GBP3: variants seen among roughly 807,000 people sequenced by gnomAD.
The protein encoded by GBP3 is guanylate binding protein 3.
Under a neutral mutation model 62.4 loss-of-function variants are expected in GBP3, and 55 were observed. The ratio of observed to expected loss-of-function variants is 0.88; its 90% CI spans 0.71 to 1.10. The LOEUF is 1.10. Ranked by LOEUF, GBP3 falls within the 50% of genes least tolerant of loss-of-function variation. The probability of loss-of-function intolerance (pLI) is 0.00; values close to 1 mark genes in which losing one functional copy is unlikely to be tolerated. For missense variants in GBP3, 605 were observed against 690.6 expected (o/e 0.88, Z 1.39); for synonymous variants, 208 against 259.2 (o/e 0.80, Z 1.90).
intron 5 of GBP3, 36 bp from the exon 6 acceptor site, chr1:89,013,463 A>G: frequency 6.3e-7 from 1 of 1,579,820 alleles, no homozygotes; most frequent in Non-Finnish European, 8.6e-7. Flanking sequence ...GCCTAATATA[A>G]GTGTTTCCGT....
Position 89,009,514 on chromosome 1 carries a change from A to G in GBP3, c.1363-20T>C. 6.2e-7 allele frequency: 1 copy of G among 1,611,318 alleles called. No individual in the cohort carries two copies. Among genetic ancestry groups the G allele is most frequent in the Non-Finnish European group, 8.5e-7 (1 of 1,179,192 alleles). ...TTCAGCCTTAGGACCCAGAGAACAC[A>G]GAGTGAGAAGTAGGAAATGGCTGTA... On this transcript the variant is annotated intron_variant, in intron 8 of 10. Transcript: ENST00000370481.
In GBP3 at chr1:89,020,654, G is replaced by A. The variant is rs769426627; in HGVS notation, c.68C>T (p.Ala23Val). 47 of 1,613,992 alleles carry A rather than the reference G, an allele frequency of 2.9e-5. 1 individual carries two copies. The South Asian group carries it at 4.2e-4, about 14-fold the overall frequency. The change falls in exon 2 of 11, where the codon GCG (alanine) becomes GTG (valine). Residue 23 changes from alanine to valine, a missense_variant. Transcript: ENST00000370481. ...LIENTNGELV[A>V]NPEALKILSA... ...CAGGATTTTCAGAGCTTCTGGATTC[G>A]CCACCAGTTCCCCATTAGTGTTCTC...
chr1:89,020,361 C>G, intron 2 of GBP3, 171 bp downstream of exon 2: 2 of 722,348 alleles, frequency 2.8e-6, no homozygotes, highest in East Asian at 2.7e-5. Flanking sequence ...ACCCTCAGAA[C>G]AGCTGTGAGC....
At chr1:89,019,374 T>G (rs750945478) in intron 2 of GBP3, among the ~76,000 whole-genome samples, 5 of 152,262 alleles carry the variant, frequency 3.3e-5, no homozygotes, top group Non-Finnish European at 7.3e-5. Context: ...CCGCAACCTC[T>G]GTTTCCCAGA....
At chr1:89,009,272 T>G in intron 9 of GBP3, 120 bp downstream of exon 9, 1 of 1,384,270 alleles carries the variant, frequency 7.2e-7, no homozygotes. Context: ...AAGACATGTC[T>G]TGCTTTAGTT....
chr1:89,020,120 TCCTA>T (rs1301212299), intron 2 of GBP3: 1 of 321,478 alleles, frequency 3.1e-6, no homozygotes, highest in Non-Finnish European at 6.3e-6. Flanking sequence ...GCATCTGTAG[TCCTA>T]CCTACTCAGG....
chr1:89,009,231 T>G (rs1678414181), intron 9 of GBP3, 91 bp from the exon 10 acceptor site: 1 of 1,409,476 alleles, frequency 7.1e-7, no homozygotes, highest in African/African-American at 1.4e-5. Flanking sequence ...GCTGACTGCA[T>G]ATGCCCTACT....
intron 2 of GBP3, among the ~76,000 whole-genome samples, chr1:89,017,174 G>T (rs1037551143): frequency 6.6e-6 from 1 of 152,100 alleles, no homozygotes; most frequent in Non-Finnish European, 1.5e-5. Flanking sequence ...TCAACTAATG[G>T]AGTAAAGTAG....
In GBP3 at chr1:89,020,801, G is replaced by A. The variant is rs1307650897; in HGVS notation, c.-22-58C>T. 1.0e-5 allele frequency: 15 copies of A among 1,506,476 alleles called. No homozygotes were observed. The Admixed American group carries it at 2.7e-4, about 27-fold the overall frequency. The allele number at this position is 1,506,476 out of a possible 1,614,324, so 93.3% of individuals were successfully genotyped here. A position where few individuals can be genotyped will look rare whatever the true frequency, so the allele number is the denominator to read the frequency against. On this transcript the variant is annotated intron_variant, in intron 1 of 10. Transcript: ENST00000370481. ...TCCAGTCTTTTGCATTTAGAGGATA[G>A]AGTCACAGAATTCCCCAGGATGGCC...
chr1:89,021,885 G>T (rs1679255996), intron 1 of GBP3, among the ~76,000 whole-genome samples: 1 of 149,838 alleles, frequency 6.7e-6, no homozygotes, highest in Non-Finnish European at 1.5e-5. Flanking sequence ...CTAGTGTTTT[G>T]CCAAGGAATT....
rs145912216 is a variant in GBP3, at chr1:89,017,686, A to C, written c.191-2272T>G. ...TTTCTCTAAAGAATGGCCAATAAGC[A>C]CCTGAAAAGATGCTCAACATTACTA... On this transcript the variant is annotated intron_variant, in intron 2 of 10. Coordinates refer to ENST00000370481, the MANE Select transcript of GBP3 (RefSeq NM_018284.3). Among the ~76,000 whole-genome samples, 8 of 152,338 alleles carry C rather than the reference A, an allele frequency of 5.3e-5. No individual in the cohort carries two copies. In the East Asian group the frequency reaches 9.6e-4, roughly 18 times the overall value.
intron 5 of GBP3, 119 bp from the exon 6 acceptor site, chr1:89,013,546 T>C: frequency 2.9e-6 from 3 of 1,032,788 alleles, no homozygotes; most frequent in South Asian, 3.2e-5. Context: ...AACTTTGTTA[T>C]TGGAGCATGA....
chr1:89,019,334 G>A (rs1162305845), intron 2 of GBP3, among the ~76,000 whole-genome samples: 1 of 152,216 alleles, frequency 6.6e-6, no homozygotes, highest in Non-Finnish European at 1.5e-5. Context: ...CTATGCCCAG[G>A]CTGGAGTGCA....
intron 10 of GBP3, 37 bp from the exon 11 acceptor site, chr1:89,007,889 A>G: frequency 6.3e-7 from 1 of 1,588,152 alleles, no homozygotes; most frequent in Non-Finnish European, 8.6e-7. Context: ...TAAGTGTAGC[A>G]TTAAGTAAAT....
chr1:89,013,537 A>G, intron 5 of GBP3, 110 bp from the exon 6 acceptor site: 3 of 1,118,516 alleles, frequency 2.7e-6, no homozygotes, highest in South Asian at 1.6e-5. Context: ...CAAGTACTCA[A>G]CTTTGTTATT....
chr1:89,014,613 A>C lies in GBP3; in HGVS notation c.362T>G (p.Leu121Arg). The change falls in exon 4 of 11, where the codon CTC (leucine) becomes CGC (arginine). Residue 121 changes from leucine to arginine, a missense_variant. Transcript: ENST00000370481. Reference sequence around the variant, plus strand: ...ATTGTACACGAGAGTGCTGCTCAGGAGGACGGCCAGGGTGAAGATCCAGGA... The same window carrying C: ...ATTGTACACGAGAGTGCTGCTCAGGCGGACGGCCAGGGTGAAGATCCAGGA... ...NDSWIFTLAVLLSSTLVYNSM... is the reference protein window; with the variant it reads ...NDSWIFTLAVRLSSTLVYNSM... 3 of 1,614,126 alleles carry C rather than the reference A, an allele frequency of 1.9e-6. No individual in the cohort carries two copies. Among genetic ancestry groups the C allele is most frequent in the Non-Finnish European group, 2.5e-6 (3 of 1,179,996 alleles).
At position 89,010,930 on chromosome 1, in the gene GBP3, A is replaced by T. The variant is rs1678525551; in HGVS notation, c.1336T>A (p.Tyr446Asn). The T allele has an allele frequency of 4.1e-6, 6 of 1,461,840 alleles. 1 individual carries two copies. The highest frequency in any genetic ancestry group is 5.7e-6 in the Non-Finnish European group (6 of 1,055,236). 90.6% of individuals were successfully genotyped at this position (1,461,840 alleles called of 1,614,324 possible). A position where few individuals can be genotyped will look rare whatever the true frequency, so the allele number is the denominator to read the frequency against. The change falls in exon 8 of 11, where the codon TAT becomes AAT. Residue 446 changes from tyrosine to asparagine, a missense_variant. Around this residue, in one of 3 missense-constraint regions of GBP3, gnomAD observed 137 missense variants for 224.7 expected, o/e 0.61. Coordinates refer to ENST00000370481, the MANE Select transcript of GBP3 (RefSeq NM_018284.3). ...TGTATCCCCTTCCTTGGTTCCTCATAGTACTTTTTCTCCAGGTCTTGTAGC... is the reference window on the plus strand; with the variant it reads ...TGTATCCCCTTCCTTGGTTCCTCATTGTACTTTTTCTCCAGGTCTTGTAGC... ...QKLQDLEKKY[Y>N]EEPRKGIQAE...
At chr1:89,010,399 C>T (rs1430059936) in intron 8 of GBP3, among the ~76,000 whole-genome samples, 1 of 137,994 alleles carries the variant, frequency 7.2e-6, no homozygotes, top group Non-Finnish European at 1.7e-5. Context: ...GGATTACAGG[C>T]GTGAGCCACT....
rs999181219 is a variant in GBP3, at chr1:89,011,014, C to A, written c.1252G>T (p.Glu418Ter). ...LLQVIFSPLE[E>*]EVKAGIYSKP... ...GAATAAATTCCCGCCTTCACTTCTT[C>A]TTCTAGAGGACTGAAAATGACCTGA... The change falls in exon 8 of 11, where the codon GAA becomes TAA. Residue 418 changes from glutamate (E) to a stop codon, truncating the protein, a stop_gained. Coordinates refer to ENST00000370481, the MANE Select transcript of GBP3 (RefSeq NM_018284.3). LOFTEE classifies it high-confidence loss of function. The A allele has an allele frequency of 9.6e-6, 14 of 1,461,764 alleles. 1 individual carries two copies. In the African/African-American group the frequency reaches 1.8e-4, roughly 18 times the overall value. The allele number at this position is 1,461,764 out of a possible 1,614,324, so 90.5% of individuals were successfully genotyped here.
Sources: allele counts gnomAD v4.1 joint callset (sites outside exome capture counted in the v4.1 genomes callset), GRCh38; gene constraint gnomAD v4.1.1; regional missense constraint gnomAD v4.1.1; transcripts MANE v1.5; gene names NCBI Gene and HGNC (gene_info 2026-07-23, HGNC 2026-07-21).